The following ACOT7 variants were observed in gnomAD, a reference collection of about 807,000 sequenced individuals.
ACOT7 encodes the protein cytosolic acyl coenzyme A thioester hydrolase.
In ACOT7, 12 loss-of-function variants were observed where a neutral mutation model predicts 40.2. That is an observed-to-expected ratio of 0.30 (90% CI 0.19 to 0.48). The LOEUF is 0.48. Ranked by LOEUF, ACOT7 falls within the 20% of genes least tolerant of loss-of-function variation. ACOT7 has a pLI of 0.99. For synonymous variants in ACOT7, 228 were observed against 219.5 expected, an observed-to-expected ratio of 1.04 and a Z score of -0.34; for missense variants, 395 against 530.8, an observed-to-expected ratio of 0.74 and a Z score of 2.51.
rs1325591701 is a variant in ACOT7, at chr1:6,393,498, C to A, written c.-99G>T. ...CCTCCCCGCGCCGACCCCGCCCCCG[C>A]GCCGGCCCCACCCCGAGCCCCGCCT... On this transcript the variant is annotated 5_prime_UTR_variant, in exon 1 of 9. Transcript: ENST00000361521. The A allele has an allele frequency of 4.6e-6, 5 of 1,089,906 alleles. No individual in the cohort carries two copies. The African/African-American group carries it at 8.2e-5, about 18-fold the overall frequency. The allele number at this position is 1,089,906 out of a possible 1,614,324, so 67.5% of individuals were successfully genotyped here.
At chr1:6,332,151 C>T (rs1233944451) in intron 4 of ACOT7, among the ~76,000 whole-genome samples, 1 of 152,224 alleles carries the variant, frequency 6.6e-6, no homozygotes, top group African/African-American at 2.4e-5. Flanking sequence ...CAATCTGGTT[C>T]TCAGTTTTAT....
intron 4 of ACOT7, among the ~76,000 whole-genome samples, chr1:6,327,626 T>A (rs1317888901): frequency 6.6e-6 from 1 of 152,210 alleles, no homozygotes; most frequent in Non-Finnish European, 1.5e-5. Context: ...AAGTGTTTGG[T>A]TTAGATCCTT....
Position 6,295,041 on chromosome 1 carries a change from C to A in ACOT7, c.713-61G>T, listed in dbSNP as rs1639774068. The A allele has an allele frequency of 5.8e-6, 8 of 1,367,642 alleles. No homozygotes were observed. The East Asian group carries it at 1.9e-4, about 32-fold the overall frequency. The allele number at this position is 1,367,642 out of a possible 1,614,324, so 84.7% of individuals were successfully genotyped here. On this transcript the variant is annotated intron_variant, in intron 6 of 8. Coordinates refer to ENST00000361521, the MANE Select transcript of ACOT7 (RefSeq NM_007274.4). Reference sequence around the variant, plus strand: ...GAGGCAGAGGAGATTATTTCACACCCTGGAAACAAGTTACAACTCGAGCCC... The same window carrying A: ...GAGGCAGAGGAGATTATTTCACACCATGGAAACAAGTTACAACTCGAGCCC...
intron 8 of ACOT7, 88 bp from the exon 9 acceptor site, chr1:6,264,783 C>A (rs1482839484): frequency 2.9e-6 from 4 of 1,390,976 alleles, no homozygotes; most frequent in South Asian, 2.5e-5. Flanking sequence ...CCCTGCCCCC[C>A]ACCCGTGGGA....
intron 8 of ACOT7, among the ~76,000 whole-genome samples, chr1:6,279,487 G>A (rs1044514515): frequency 4.1e-4 from 63 of 152,210 alleles, no homozygotes; most frequent in African/African-American, 1.5e-3. Flanking sequence ...ACCAGAAGGG[G>A]AGCATGCCTC....
At chr1:6,388,998 G>A (rs1455856387) in intron 1 of ACOT7, among the ~76,000 whole-genome samples, 11 of 150,076 alleles carry the variant, frequency 7.3e-5, no homozygotes, top group African/African-American at 2.2e-4. Flanking sequence ...CCGAGATCGC[G>A]CCACTGCACT....
chr1:6,328,597 G>A (rs560158910), intron 4 of ACOT7, among the ~76,000 whole-genome samples: 5 of 152,264 alleles, frequency 3.3e-5, no homozygotes, highest in Non-Finnish European at 5.9e-5. Context: ...CAAGGGAATC[G>A]CTTGAATCCG....
chr1:6,318,831 G>GC (rs1407040275), intron 5 of ACOT7, among the ~76,000 whole-genome samples: 1 of 152,136 alleles, frequency 6.6e-6, no homozygotes, highest in Non-Finnish European at 1.5e-5. Context: ...TCAGTGCCCT[G>GC]CAAGGCCCTG....
intron 2 of ACOT7, among the ~76,000 whole-genome samples, chr1:6,346,876 G>A (rs1641440676): frequency 6.6e-6 from 1 of 152,176 alleles, no homozygotes; most frequent in Non-Finnish European, 1.5e-5. Context: ...GAGGGAGAGA[G>A]GCTGACAGAG....
At chr1:6,276,508 G>C (rs1459097764) in intron 8 of ACOT7, among the ~76,000 whole-genome samples, 1 of 152,054 alleles carries the variant, frequency 6.6e-6, no homozygotes, top group Non-Finnish European at 1.5e-5. Context: ...GCAACTCCAA[G>C]CAGAGAGGCT....
intron 1 of ACOT7, among the ~76,000 whole-genome samples, chr1:6,369,637 G>A (rs1005099342): frequency 2.0e-5 from 3 of 151,638 alleles, no homozygotes; most frequent in African/African-American, 7.3e-5. Flanking sequence ...GGAGTGCAGT[G>A]GCACGATCTC....
At chr1:6,314,078 A>G (rs1640416393) in intron 6 of ACOT7, among the ~76,000 whole-genome samples, 1 of 152,200 alleles carries the variant, frequency 6.6e-6, no homozygotes, top group Non-Finnish European at 1.5e-5. Flanking sequence ...TCTAGGGAAC[A>G]TGGCAGGGAA....
At chr1:6,342,708 C>T (rs1226599163) in intron 2 of ACOT7, among the ~76,000 whole-genome samples, 1 of 152,200 alleles carries the variant, frequency 6.6e-6, no homozygotes, top group East Asian at 1.9e-4. Context: ...TGTGGGGCAC[C>T]CCCAGTTGAT....
rs1259314629 is a variant in ACOT7 at position 6,282,763 on chromosome 1, G to A, written c.830-1477C>T. The A allele has an allele frequency of 3.1e-6, 4 of 1,304,304 alleles. No individual in the cohort carries two copies. The highest frequency in any genetic ancestry group is 4.0e-6 in the Non-Finnish European group (4 of 988,974). 80.8% of individuals were successfully genotyped at this position (1,304,304 alleles called of 1,614,324 possible). ...GCCAGTGCTGGGAGAGGAGGAAGGAGCTGTGTGGTCAGCGCCAGCAGGCAT... is the reference window on the plus strand; with the variant it reads ...GCCAGTGCTGGGAGAGGAGGAAGGAACTGTGTGGTCAGCGCCAGCAGGCAT... On this transcript the variant is annotated intron_variant, in intron 7 of 8. Transcript: ENST00000361521. The surrounding 1 kb of genome is among the most constrained non-coding windows in gnomAD (Gnocchi z 4.5).
intron 6 of ACOT7, among the ~76,000 whole-genome samples, chr1:6,304,756 T>C (rs566065767): frequency 3.6e-4 from 48 of 134,688 alleles, no homozygotes; most frequent in Middle Eastern, 7.5e-3. Context: ...GAATTTTTCT[T>C]AGTACAGAAC....
intron 1 of ACOT7, among the ~76,000 whole-genome samples, chr1:6,388,043 C>T (rs1434191008): frequency 1.3e-5 from 2 of 151,220 alleles, no homozygotes; most frequent in Non-Finnish European, 2.9e-5. Context: ...CAGGTTCAAG[C>T]GATTCTCCTG....
chr1:6,358,789 C>G lies in ACOT7; in HGVS notation c.144-8923G>C. 1 of 1,601,714 alleles carries G rather than the reference C, an allele frequency of 6.2e-7. No individual in the cohort carries two copies. Among genetic ancestry groups the G allele is most frequent in the Non-Finnish European group, 8.6e-7 (1 of 1,168,842 alleles). On this transcript the variant is annotated intron_variant, in intron 1 of 8. Transcript: ENST00000361521. The surrounding 1 kb of genome is among the most constrained non-coding windows in gnomAD (Gnocchi z 4.1). Reference sequence around the variant, plus strand: ...CCCTAAACAATCCACCCACAGTGGCCCCTGCACGGCCTAGACATGCCCATG... The same window carrying G: ...CCCTAAACAATCCACCCACAGTGGCGCCTGCACGGCCTAGACATGCCCATG...
In ACOT7 at chr1:6,264,761, C is replaced by A. The variant is rs1638767261; in HGVS notation, c.1015-66G>T. ...CAGAACCAGTGCCGTGGCCTTGTGA[C>A]CTGGCCTGGGGCCCTGCCCCCCACC... On this transcript the variant is annotated intron_variant, in intron 8 of 8. Transcript: ENST00000361521. 5.8e-6 allele frequency: 9 copies of A among 1,547,910 alleles called. No individual in the cohort carries two copies. The Admixed American group carries it at 1.2e-4, about 21-fold the overall frequency.
rs148737402 is a variant in ACOT7 at position 6,363,365 on chromosome 1, T to C, written c.144-13499A>G. Reference sequence around the variant, plus strand: ...GCAGACCAGGAAAGGGAGTCTCCCTTTCCCCCGGGGAGTTTAGAGAAGACT... The same window carrying C: ...GCAGACCAGGAAAGGGAGTCTCCCTCTCCCCCGGGGAGTTTAGAGAAGACT... On this transcript the variant is annotated intron_variant, in intron 1 of 8. Transcript: ENST00000361521. 4.3e-3 allele frequency among the ~76,000 whole-genome samples: 657 copies of C among 152,160 alleles called. 5 individuals are homozygous for C. Among genetic ancestry groups the C allele is most frequent in the African/African-American group, 0.015 (635 of 41,524 alleles).
Sources: allele counts gnomAD v4.1 joint callset (sites outside exome capture counted in the v4.1 genomes callset), GRCh38; gene constraint gnomAD v4.1.1; non-coding constraint Gnocchi (gnomAD v3.1); transcripts MANE v1.5; gene names NCBI Gene and HGNC (gene_info 2026-07-23, HGNC 2026-07-21).